The following PLK4 variants were observed in gnomAD, a reference collection of about 807,000 sequenced individuals.
The protein encoded by PLK4 is serine/threonine-protein kinase PLK4.
A neutral mutation model predicts 103.0 loss-of-function variants in PLK4; 51 were observed. The observed-to-expected ratio is 0.50, with a 90% CI of 0.40 to 0.63. PLK4 has a LOEUF of 0.63. PLK4 is among the 20% of genes least tolerant of loss of function. The pLI is 0.00. For missense variants in PLK4, 1,054 were observed against 1,151.0 expected, an observed-to-expected ratio of 0.92 and a Z score of 1.22; for synonymous variants, 389 against 376.8, an observed-to-expected ratio of 1.03 and a Z score of -0.38.
At chr4:127,896,754 T>G (rs202231801) in intron 14 of PLK4, 47 bp from the exon 15 acceptor site, 1 of 1,115,384 alleles carries the variant, frequency 9.0e-7, no homozygotes, top group African/African-American at 1.6e-5. Context: ...ACTGCTGTTT[T>G]TTTTTTTTTC....
chr4:127,890,788 A>G (rs933626642), intron 7 of PLK4, among the ~76,000 whole-genome samples: 3 of 151,868 alleles, frequency 2.0e-5, no homozygotes, highest in African/African-American at 7.3e-5. Context: ...TTCCCATTTC[A>G]TCCTTGCCTT....
chr4:127,892,127 G>T (rs1578763713), intron 9 of PLK4: 2 of 319,730 alleles, frequency 6.3e-6, no homozygotes, highest in Non-Finnish European at 1.1e-5. Context: ...TGAAATCAGT[G>T]CTGCTACATA....
intron 6 of PLK4, among the ~76,000 whole-genome samples, chr4:127,887,707 A>G (rs978025425): frequency 2.0e-5 from 3 of 151,652 alleles, no homozygotes; most frequent in East Asian, 3.9e-4. Flanking sequence ...AAGACCCTGT[A>G]TCTACAAAAA....
intron 4 of PLK4, among the ~76,000 whole-genome samples, chr4:127,885,500 G>C (rs1735087071): frequency 7.0e-6 from 1 of 142,794 alleles, no homozygotes; most frequent in African/African-American, 2.6e-5. Flanking sequence ...AAAAAAAAAA[G>C]GTTAATATGA....
At chr4:127,895,176 C>G in intron 14 of PLK4, 83 bp downstream of exon 14, 1 of 909,524 alleles carries the variant, frequency 1.1e-6, no homozygotes, top group Admixed American at 2.9e-5. Context: ...CCAAAAAATA[C>G]AAATTATTGT....
rs749221090 is a variant in PLK4 at position 127,883,563 on chromosome 4, T to C, written c.337+10T>C. 1 of 1,236,658 alleles carries C rather than the reference T, an allele frequency of 8.1e-7. No homozygotes were observed. The highest frequency in any genetic ancestry group is 1.3e-5 in the South Asian group (1 of 77,698). 76.6% of individuals were successfully genotyped at this position (1,236,658 alleles called of 1,614,324 possible). A position where few individuals can be genotyped will look rare whatever the true frequency, so the allele number is the denominator to read the frequency against. ...TTCTCAGAAAATGAAGGTAGGTGTG[T>C]GGTTTTTTTTGTTTGTTTTGTTTGG... is the stretch of plus-strand genomic sequence containing the variant. On this transcript the variant is annotated intron_variant, in intron 4 of 15. Coordinates refer to ENST00000270861, the MANE Select transcript of PLK4 (RefSeq NM_014264.5).
chr4:127,888,395 A>G (rs375871307), intron 6 of PLK4, among the ~76,000 whole-genome samples: 1 of 152,080 alleles, frequency 6.6e-6, no homozygotes, highest in Non-Finnish European at 1.5e-5. Flanking sequence ...TGCCCAAGCT[A>G]TGTGACCATT....
chr4:127,893,646 A>G, intron 12 of PLK4, 42 bp downstream of exon 12: 2 of 1,585,864 alleles, frequency 1.3e-6, no homozygotes. Context: ...AAAATGTTTT[A>G]AAAGTTTGAT....
At chr4:127,883,394 T>C in intron 3 of PLK4, 37 bp downstream of exon 3, 2 of 1,422,774 alleles carry the variant, frequency 1.4e-6, no homozygotes, top group Non-Finnish European at 2.0e-6. Context: ...CCAAGGACAC[T>C]GAATTTTTGT....
intron 5 of PLK4, 21 bp downstream of exon 5, chr4:127,886,749 G>A: frequency 6.6e-7 from 1 of 1,525,200 alleles, no homozygotes; most frequent in Non-Finnish European, 8.9e-7. Flanking sequence ...TTCTATCAGA[G>A]GCATTTTGTT....
chr4:127,891,003 TG>T, intron 7 of PLK4, 88 bp from the exon 8 acceptor site: 1 of 655,156 alleles, frequency 1.5e-6, no homozygotes, highest in Non-Finnish European at 2.6e-6. Context: ...GTTTCTGCCA[TG>T]GTTAAGTACT....
intron 9 of PLK4, 34 bp from the exon 10 acceptor site, chr4:127,892,331 T>G: frequency 7.0e-7 from 1 of 1,423,236 alleles, no homozygotes; most frequent in Non-Finnish European, 9.7e-7. Context: ...GGTCAACACT[T>G]TCTTCCCTAA....
chr4:127,888,480 T>C (rs1735231069), intron 6 of PLK4, among the ~76,000 whole-genome samples: 1 of 152,128 alleles, frequency 6.6e-6, no homozygotes, highest in African/African-American at 2.4e-5. Flanking sequence ...TCTTGCAGCC[T>C]CTCTATAATC....
At position 127,891,084 on chromosome 4, in the gene PLK4, T is replaced by G. The variant is rs868530775; in HGVS notation, c.1831-8T>G. On this transcript the variant is annotated splice_region_variant and splice_polypyrimidine_tract_variant and intron_variant, in intron 7 of 15. Transcript: ENST00000270861. ...TTATTACTGATTTTGGGTTTTTTTT[T>G]TTTTTAGGTGAGCATACTTGATTCA... 7 of 1,509,100 alleles carry G rather than the reference T, an allele frequency of 4.6e-6. No homozygotes were observed. The Middle Eastern group carries it at 1.2e-3, about 263-fold the overall frequency. The allele number at this position is 1,509,100 out of a possible 1,614,324, so 93.5% of individuals were successfully genotyped here. A position where few individuals can be genotyped will look rare whatever the true frequency, so the allele number is the denominator to read the frequency against.
Position 127,889,976 on chromosome 4 carries a change from G to A in PLK4, c.1570G>A (p.Val524Ile). The change falls in exon 7 of 16, where the codon GTC (valine) becomes ATC (isoleucine). Residue 524 changes from valine to isoleucine, a missense_variant. Physicochemically the swap from Val to Ile is conservative, Grantham distance 29. Coordinates refer to ENST00000270861, the MANE Select transcript of PLK4 (RefSeq NM_014264.5). ...AAAAAATGCCTGGACTGATACAAAA[G>A]TCAAAAAGAACTCTGATGCTTCTGA... ...TSKNAWTDTK[V>I]KKNSDASDNA... 3 of 1,614,050 alleles carry A rather than the reference G, an allele frequency of 1.9e-6. No homozygotes were observed. The highest frequency in any genetic ancestry group is 2.5e-6 in the Non-Finnish European group (3 of 1,179,940).
At chr4:127,895,157 A>C in intron 14 of PLK4, 64 bp downstream of exon 14, 1 of 1,101,178 alleles carries the variant, frequency 9.1e-7, no homozygotes, top group Non-Finnish European at 1.3e-6. Context: ...CACACTGATA[A>C]GACAATTACC....
chr4:127,897,675 G>A (rs1168482971), intron 15 of PLK4, among the ~76,000 whole-genome samples: 1 of 152,038 alleles, frequency 6.6e-6, no homozygotes, highest in Non-Finnish European at 1.5e-5. Context: ...TCCAGAAAGT[G>A]GAAGGATGCA....
In PLK4 at chr4:127,881,219, A is replaced by C. The variant is rs562303520; in HGVS notation, c.30+55A>C. ...CGGGTGGGAGTAATTGTGGGAGGAC[A>C]CGAGACCGCTGTGGGAAGGGGAGCG... On this transcript the variant is annotated intron_variant, in intron 1 of 15. Coordinates refer to ENST00000270861, the MANE Select transcript of PLK4 (RefSeq NM_014264.5). 7.9e-5 allele frequency: 127 copies of C among 1,612,392 alleles called. No homozygotes were observed. The East Asian group carries it at 2.5e-3, about 32-fold the overall frequency.
chr4:127,886,208 G>A lies in PLK4; in HGVS notation c.838G>A (p.Glu280Lys). The change falls in exon 5 of 16, where the codon GAA becomes AAA. Residue 280 changes from glutamate to lysine, a missense_variant. This residue lies in a region of PLK4 where 680 missense variants were observed against 660.3 expected (regional missense o/e 1.03). Coordinates refer to ENST00000270861, the MANE Select transcript of PLK4 (RefSeq NM_014264.5). ...STKSKDLGTVEDSIDSGHATI... is the reference protein window; with the variant it reads ...STKSKDLGTVKDSIDSGHATI... ...AAAAAGTAAAGATTTAGGAACTGTG[G>A]AAGACTCAATTGATAGTGGGCATGC... 7 of 1,614,092 alleles carry A rather than the reference G, an allele frequency of 4.3e-6. No homozygotes were observed. The highest frequency in any genetic ancestry group is 5.9e-6 in the Non-Finnish European group (7 of 1,180,004).
Sources: gnomAD v4.1 joint callset for allele counts (sites outside exome capture counted in the v4.1 genomes callset) on GRCh38, gnomAD v4.1.1 for gene constraint, gnomAD v4.1.1 regional missense constraint, MANE v1.5 for transcripts, NCBI Gene and HGNC (gene_info 2026-07-23, HGNC 2026-07-21) for gene names.